Variants in GRM7 observed in about 807,000 individuals in gnomAD.
GRM7 encodes glutamate metabotropic receptor 7.
A neutral mutation model predicts 84.5 loss-of-function variants in GRM7; 35 were observed. The ratio of observed to expected loss-of-function variants is 0.41; its 90% CI spans 0.32 to 0.55. The LOEUF (loss-of-function observed/expected upper bound fraction) is 0.55. GRM7 is among the 20% of genes least tolerant of loss of function. The pLI is 0.19. For synonymous variants in GRM7, 487 were observed against 455.1 expected (o/e 1.07, Z -0.89); for missense variants, 1,003 against 1,194.6 (o/e 0.84, Z 2.36).
At chr3:6,977,901 A>T (rs1469188156) in intron 1 of GRM7, among the ~76,000 whole-genome samples, 1 of 152,186 alleles carries the variant, frequency 6.6e-6, no homozygotes, top group Non-Finnish European at 1.5e-5. Flanking sequence ...ATGAACTGGG[A>T]AAATAAAATT....
At chr3:7,252,462 A>G (rs1218475609) in intron 2 of GRM7, among the ~76,000 whole-genome samples, 1 of 152,098 alleles carries the variant, frequency 6.6e-6, no homozygotes, top group Admixed American at 6.5e-5. Flanking sequence ...TCTGATGCTC[A>G]CGGTCCTTTG....
chr3:7,385,096 A>C lies in GRM7; in HGVS notation c.1034-29927A>C, dbSNP rs191121372. Among the ~76,000 whole-genome samples the C allele has an allele frequency of 4.6e-5, 7 of 152,282 alleles. No homozygotes were observed. The East Asian group carries it at 1.4e-3, about 29-fold the overall frequency. On this transcript the variant is annotated intron_variant, in intron 4 of 9. Coordinates refer to ENST00000357716, the MANE Select transcript of GRM7 (RefSeq NM_000844.4). ...GAAAGAAATTAAAGCCTCCTTTTAAAATGTGCGAACAATAACTTGATAAGC... is the reference window on the plus strand; with the variant it reads ...GAAAGAAATTAAAGCCTCCTTTTAACATGTGCGAACAATAACTTGATAAGC...
At chr3:7,603,980 A>G (rs1238610241) in intron 8 of GRM7, among the ~76,000 whole-genome samples, 1 of 152,198 alleles carries the variant, frequency 6.6e-6, no homozygotes. Flanking sequence ...AGAGAAGTCA[A>G]TTGGACTTTC....
At chr3:7,109,714 C>G (rs1405193681) in intron 1 of GRM7, among the ~76,000 whole-genome samples, 1 of 152,114 alleles carries the variant, frequency 6.6e-6, no homozygotes, top group Non-Finnish European at 1.5e-5. Flanking sequence ...TCAAATGAAT[C>G]AATTCACTTG....
At chr3:7,083,140 G>C (rs1341203511) in intron 1 of GRM7, among the ~76,000 whole-genome samples, 2 of 152,122 alleles carry the variant, frequency 1.3e-5, no homozygotes, top group Non-Finnish European at 2.9e-5. Flanking sequence ...GCATGCTACA[G>C]AGAAATCTTT....
At chr3:7,498,290 A>G (rs375021329) in intron 7 of GRM7, among the ~76,000 whole-genome samples, 2 of 152,190 alleles carry the variant, frequency 1.3e-5, no homozygotes, top group Non-Finnish European at 2.9e-5. Context: ...ATAGCCTACA[A>G]TGCATTTACC....
intron 3 of GRM7, among the ~76,000 whole-genome samples, 178 bp downstream of exon 3, chr3:7,299,003 G>A (rs544551057): frequency 6.6e-6 from 1 of 151,988 alleles, no homozygotes; most frequent in African/African-American, 2.4e-5. Context: ...ATGGTCACGT[G>A]TTTTCCCTCT....
intron 2 of GRM7, among the ~76,000 whole-genome samples, chr3:7,222,015 A>C (rs556691145): frequency 1.7e-4 from 25 of 151,216 alleles, no homozygotes; most frequent in African/African-American, 5.6e-4. Flanking sequence ...CACCATGTTG[A>C]CCGGGCTGGT....
At chr3:7,163,848 C>T (rs1459775124) in intron 2 of GRM7, among the ~76,000 whole-genome samples, 2 of 152,100 alleles carry the variant, frequency 1.3e-5, no homozygotes, top group Admixed American at 6.5e-5. Context: ...CATGCTTATG[C>T]CCCATTCTTT....
intron 1 of GRM7, among the ~76,000 whole-genome samples, chr3:7,062,969 C>A (rs1457128083): frequency 1.3e-5 from 2 of 151,722 alleles, no homozygotes; most frequent in Non-Finnish European, 3.0e-5. Flanking sequence ...AAGGGACCAT[C>A]TTATTCCCAC....
chr3:7,242,489 T>C (rs1044724828), intron 2 of GRM7, among the ~76,000 whole-genome samples: 3 of 152,194 alleles, frequency 2.0e-5, no homozygotes, highest in African/African-American at 4.8e-5. Context: ...CTTTGTCTTA[T>C]GCAATAGACT....
intron 9 of GRM7, among the ~76,000 whole-genome samples, chr3:7,688,154 G>T (rs73023731): frequency 0.056 from 8,557 of 152,182 alleles, 297 homozygotes; most frequent in South Asian, 0.12. Context: ...TTTTGCTCCT[G>T]TCTAAGTTGA....
intron 1 of GRM7, among the ~76,000 whole-genome samples, chr3:6,967,925 T>C (rs115252142): frequency 6.6e-6 from 1 of 152,284 alleles, no homozygotes; most frequent in African/African-American, 2.4e-5. Flanking sequence ...TGGGCATTGG[T>C]ATTTGTTAAA....
chr3:6,940,840 A>G (rs1401360673), intron 1 of GRM7, among the ~76,000 whole-genome samples: 2 of 152,148 alleles, frequency 1.3e-5, no homozygotes, highest in African/African-American at 4.8e-5. Context: ...GTTCTTCCTC[A>G]CCTACTCTAC....
intron 8 of GRM7, among the ~76,000 whole-genome samples, chr3:7,628,848 G>C (rs143735612): frequency 6.6e-6 from 1 of 152,166 alleles, no homozygotes; most frequent in East Asian, 1.9e-4. Flanking sequence ...GGAAAATGCA[G>C]AGGTAACACT....
At chr3:7,303,464 C>G (rs1017755313) in intron 3 of GRM7, among the ~76,000 whole-genome samples, 28 of 151,876 alleles carry the variant, frequency 1.8e-4, no homozygotes, top group South Asian at 4.1e-4. Flanking sequence ...TTATCTAATT[C>G]TTATGTTAAA....
chr3:6,876,840 G>A (rs1430282264), intron 1 of GRM7, among the ~76,000 whole-genome samples: 1 of 152,020 alleles, frequency 6.6e-6, no homozygotes, highest in Non-Finnish European at 1.5e-5. Context: ...GACCTCAGAT[G>A]ATCCACCTGC....
At chr3:7,707,930 A>ATTTT (rs34344224) in intron 9 of GRM7, among the ~76,000 whole-genome samples, 5 of 123,668 alleles carry the variant, frequency 4.0e-5, no homozygotes, top group East Asian at 2.3e-4. Context: ...GAAGCTTTCA[A>ATTTT]TTTTTTTTTT....
chr3:6,899,088 T>C (rs1696296111), intron 1 of GRM7, among the ~76,000 whole-genome samples: 1 of 152,032 alleles, frequency 6.6e-6, no homozygotes, highest in Admixed American at 6.6e-5. Context: ...GAGGTAAGAG[T>C]TGAGTCCAGT....
Sources: gnomAD v4.1 joint callset for allele counts (sites outside exome capture counted in the v4.1 genomes callset) on GRCh38, gnomAD v4.1.1 for gene constraint, MANE v1.5 for transcripts, NCBI Gene and HGNC (gene_info 2026-07-23, HGNC 2026-07-21) for gene names.